The following ZRANB3 variants were observed in gnomAD, a reference collection of about 807,000 sequenced individuals.
The protein encoded by ZRANB3 is DNA annealing helicase and endonuclease ZRANB3.
ZRANB3 carries 125 observed loss-of-function variants against 133.8 expected under a neutral mutation model. That is an observed-to-expected ratio of 0.93 (90% CI 0.81 to 1.08). The LOEUF is 1.08. Among genes scored for constraint, ZRANB3 ranks in the 50% least tolerant of loss-of-function variants. ZRANB3 has a pLI of 0.00. For missense variants in ZRANB3, 1,229 were observed against 1,275.5 expected, an observed-to-expected ratio of 0.96 and a Z score of 0.56; for synonymous variants, 387 against 432.7, an observed-to-expected ratio of 0.89 and a Z score of 1.31.
At chr2:135,288,528 C>G (rs571216463) in intron 8 of ZRANB3, among the ~76,000 whole-genome samples, 1 of 151,542 alleles carries the variant, frequency 6.6e-6, no homozygotes, top group East Asian at 1.9e-4. Flanking sequence ...GTGAATCCAT[C>G]TGGTCCTGAA....
intron 12 of ZRANB3, among the ~76,000 whole-genome samples, chr2:135,231,334 G>A (rs1177932916): frequency 2.0e-5 from 3 of 151,784 alleles, no homozygotes; most frequent in South Asian, 2.1e-4. Flanking sequence ...TATATGTCAC[G>A]GAAAAAAAGG....
At chr2:135,380,299 T>G (rs751921569) in intron 3 of ZRANB3, among the ~76,000 whole-genome samples, 2 of 152,200 alleles carry the variant, frequency 1.3e-5, no homozygotes, top group Non-Finnish European at 2.9e-5. Flanking sequence ...AAGACAGCTC[T>G]GCACCAAGCG....
In ZRANB3 at chr2:135,217,191, AG is replaced by A. The variant is rs773997435; in HGVS notation, c.2495+273del. Among the ~76,000 whole-genome samples the A allele has an allele frequency of 1.4e-4, 21 of 152,294 alleles. No individual in the cohort carries two copies. The East Asian group carries it at 2.3e-3, about 17-fold the overall frequency. On this transcript the variant is annotated intron_variant, in intron 17 of 20. Coordinates refer to ENST00000264159, the MANE Select transcript of ZRANB3 (RefSeq NM_032143.4). ...AAGTGTCCCAGGCTTGGCAGGTCATAGGTTGCACCATCCTGTGACTCTGGTC... is the reference window on the plus strand; with the variant it reads ...AAGTGTCCCAGGCTTGGCAGGTCATAGTTGCACCATCCTGTGACTCTGGTC...
chr2:135,499,236 C>T (rs60146661), intron 2 of ZRANB3, among the ~76,000 whole-genome samples: 10,325 of 152,174 alleles, frequency 0.068, 721 homozygotes, highest in African/African-American at 0.18. Context: ...GAAAAGGACC[C>T]ATGTTGAATA....
intron 2 of ZRANB3, among the ~76,000 whole-genome samples, chr2:135,455,069 G>T (rs1690440525): frequency 6.6e-6 from 1 of 151,218 alleles, no homozygotes; most frequent in Admixed American, 6.6e-5. Context: ...CTTAGGCTGG[G>T]TCAAGAAGAA....
intron 2 of ZRANB3, among the ~76,000 whole-genome samples, chr2:135,408,217 T>G (rs1175685902): frequency 6.6e-6 from 1 of 151,954 alleles, no homozygotes; most frequent in Non-Finnish European, 1.5e-5. Context: ...AAAAGACACA[T>G]GAAAAAATGC....
intron 2 of ZRANB3, among the ~76,000 whole-genome samples, chr2:135,471,537 G>A (rs1011856649): frequency 3.9e-5 from 6 of 152,108 alleles, no homozygotes; most frequent in African/African-American, 1.4e-4. Flanking sequence ...TTGCTTCACT[G>A]TAACAAAATA....
chr2:135,357,256 A>G (rs1685478990), intron 3 of ZRANB3, among the ~76,000 whole-genome samples: 1 of 151,610 alleles, frequency 6.6e-6, no homozygotes, highest in Non-Finnish European at 1.5e-5. Context: ...GAGTGCCACC[A>G]CGCCTGGCTA....
chr2:135,401,349 G>C (rs1450977838), intron 2 of ZRANB3, among the ~76,000 whole-genome samples: 1 of 152,206 alleles, frequency 6.6e-6, no homozygotes, highest in Non-Finnish European at 1.5e-5. Flanking sequence ...CAAAGTTGAT[G>C]TGATCTTTAT....
intron 8 of ZRANB3, among the ~76,000 whole-genome samples, chr2:135,291,514 A>G (rs1000069015): frequency 1.1e-4 from 16 of 151,816 alleles, no homozygotes; most frequent in African/African-American, 3.6e-4. Flanking sequence ...TGGTTGTTTA[A>G]CGTAATCCCC....
intron 2 of ZRANB3, among the ~76,000 whole-genome samples, chr2:135,455,889 C>T (rs113240621): frequency 9.2e-4 from 140 of 152,236 alleles, no homozygotes; most frequent in African/African-American, 2.6e-3. Flanking sequence ...CCACCGCGCC[C>T]GGCCCAACTA....
At chr2:135,463,750 C>T (rs72986441) in intron 2 of ZRANB3, among the ~76,000 whole-genome samples, 8,394 of 152,170 alleles carry the variant, frequency 0.055, 441 homozygotes, top group African/African-American at 0.14. Flanking sequence ...TGCCTGTTAC[C>T]CCTATCTTTC....
At position 135,302,528 on chromosome 2, in the gene ZRANB3, G is replaced by GT. The variant is rs34855515; in HGVS notation, c.966+10960dup. On this transcript the variant is annotated intron_variant, in intron 8 of 20. Coordinates refer to ENST00000264159, the MANE Select transcript of ZRANB3 (RefSeq NM_032143.4). ...CGCTTCTGACTTCAAACCAGGGTTT[G>GT]TTTTTTTTTTTTTTGAGATGGGAGT... Among the ~76,000 whole-genome samples the GT allele has an allele frequency of 4.1e-3, 585 of 141,192 alleles. 3 individuals are homozygous for GT. Among genetic ancestry groups the GT allele is most frequent in the Middle Eastern group, 7.2e-3 (2 of 276 alleles). The allele number at this position is 141,192 out of a possible 152,430, so 92.6% of individuals were successfully genotyped here.
chr2:135,263,051 A>G (rs1680040510), intron 12 of ZRANB3, among the ~76,000 whole-genome samples: 1 of 152,152 alleles, frequency 6.6e-6, no homozygotes, highest in Non-Finnish European at 1.5e-5. Context: ...AAAATAAAAG[A>G]AATAAAAACA....
At chr2:135,342,072 T>C (rs982997527) in intron 6 of ZRANB3, among the ~76,000 whole-genome samples, 3 of 149,886 alleles carry the variant, frequency 2.0e-5, no homozygotes, top group Non-Finnish European at 4.4e-5. Context: ...TCCCTACCTT[T>C]TGAAAATCGC....
At chr2:135,498,868 G>A (rs1291696487) in intron 2 of ZRANB3, among the ~76,000 whole-genome samples, 1 of 152,094 alleles carries the variant, frequency 6.6e-6, no homozygotes, top group East Asian at 1.9e-4. Flanking sequence ...ATAAATTTTG[G>A]TCAGACTGGT....
intron 12 of ZRANB3, among the ~76,000 whole-genome samples, chr2:135,265,306 T>A (rs1680177457): frequency 2.0e-5 from 3 of 152,212 alleles, no homozygotes; most frequent in Admixed American, 2.0e-4. Context: ...TATATTTTCT[T>A]TTGAACTCTG....
At position 135,272,911 on chromosome 2, in the gene ZRANB3, C is replaced by T. The variant is rs150494164; in HGVS notation, c.1087-1024G>A. Among the ~76,000 whole-genome samples the T allele has an allele frequency of 1.7e-3, 260 of 152,028 alleles. 3 individuals are homozygous for T. In the Middle Eastern group the frequency reaches 0.027, roughly 16 times the overall value. On this transcript the variant is annotated intron_variant, in intron 9 of 20. Transcript: ENST00000264159. ...AAAAGAAGTTATTATTGGCCGGGCG[C>T]GGTGTCTCACTTCTGCAATCCCAGC...
At chr2:135,474,863 A>G (rs1691436333) in intron 2 of ZRANB3, among the ~76,000 whole-genome samples, 1 of 152,206 alleles carries the variant, frequency 6.6e-6, no homozygotes, top group South Asian at 2.1e-4. Flanking sequence ...CTTCTAAGGT[A>G]GGGGAAAGAA....
Sources: allele counts gnomAD v4.1 joint callset (sites outside exome capture counted in the v4.1 genomes callset), GRCh38; gene constraint gnomAD v4.1.1; transcripts MANE v1.5; gene names NCBI Gene and HGNC (gene_info 2026-07-23, HGNC 2026-07-21).